DSC3: variants seen among roughly 807,000 people sequenced by gnomAD.
DSC3 encodes desmocollin-3.
In DSC3, 97 loss-of-function variants were observed where a neutral mutation model predicts 89.5. The ratio of observed to expected loss-of-function variants is 1.08; its 90% CI spans 0.92 to 1.28. The LOEUF (loss-of-function observed/expected upper bound fraction) is 1.28. Among genes scored for constraint, DSC3 ranks in the 50% most tolerant of loss-of-function variants. DSC3 has a pLI of 0.00. For missense variants in DSC3, 1,199 were observed against 1,085.3 expected, an observed-to-expected ratio of 1.10 and a Z score of -1.47; for synonymous variants, 436 against 384.1, an observed-to-expected ratio of 1.14 and a Z score of -1.58.
intron 9 of DSC3, among the ~76,000 whole-genome samples, chr18:31,011,967 T>A (rs1039541022): frequency 3.4e-4 from 6 of 17,650 alleles, no homozygotes; most frequent in Admixed American, 6.7e-4. Context: ...GTACTCCATC[T>A]CCAAAAAAAA....
At chr18:31,006,534 A>G (rs1164251346) in intron 12 of DSC3, among the ~76,000 whole-genome samples, 1 of 152,080 alleles carries the variant, frequency 6.6e-6, no homozygotes, top group Non-Finnish European at 1.5e-5. Flanking sequence ...TCCTGACCTC[A>G]AGTGATCCAC....
chr18:31,041,840 T>C (rs1986142525), intron 1 of DSC3, among the ~76,000 whole-genome samples: 3 of 151,986 alleles, frequency 2.0e-5, no homozygotes, highest in Admixed American at 2.0e-4. Context: ...CCGGAGTAAG[T>C]ACGACGCAAC....
intron 14 of DSC3, among the ~76,000 whole-genome samples, chr18:31,000,669 T>C (rs975753401): frequency 6.6e-6 from 1 of 152,186 alleles, no homozygotes; most frequent in Non-Finnish European, 1.5e-5. Context: ...CTAAACTTTA[T>C]CATCTCCTGT....
chr18:31,019,335 C>T (rs1440698019), intron 7 of DSC3, among the ~76,000 whole-genome samples: 2 of 152,226 alleles, frequency 1.3e-5, no homozygotes, highest in Middle Eastern at 3.4e-3. Context: ...GTGATTCACC[C>T]GCCTCGGGCT....
At position 31,018,749 on chromosome 18, in the gene DSC3, A is replaced by T. The variant is rs753683084; in HGVS notation, c.994T>A (p.Phe332Ile). 1 of 1,613,880 alleles carries T rather than the reference A, an allele frequency of 6.2e-7. No homozygotes were observed. The highest frequency in any genetic ancestry group is 8.5e-7 in the Non-Finnish European group (1 of 1,179,916). ...IMKVQDMDGQFFGLIGTSTCI... is the reference protein window; with the variant it reads ...IMKVQDMDGQIFGLIGTSTCI... The stretch of plus-strand genomic sequence containing the variant: ...GTTGATGTGCCTATCAATCCAAAAA[A>T]CTGGCCATCCATGTCTTGTACTTTC... Residue 332 changes from phenylalanine to isoleucine, a missense_variant, in exon 8 of 16, where the codon TTT becomes ATT. By Grantham distance (21) the Phe-to-Ile change is conservative. Transcript: ENST00000360428.
At chr18:31,007,179 A>G in intron 11 of DSC3, 48 bp from the exon 12 acceptor site, 1 of 1,408,716 alleles carries the variant, frequency 7.1e-7, no homozygotes, top group East Asian at 2.3e-5. Flanking sequence ...ATTCTTTCAT[A>G]GTTTCTTAAA....
chr18:31,004,566 A>G (rs1193418625), intron 12 of DSC3, among the ~76,000 whole-genome samples, 200 bp from the exon 13 acceptor site: 2 of 152,180 alleles, frequency 1.3e-5, no homozygotes, highest in Non-Finnish European at 2.9e-5. Flanking sequence ...ATTCCTTAGA[A>G]GGGAGCCCTA....
chr18:31,029,695 T>G (rs1036363855), intron 3 of DSC3, 67 bp from the exon 4 acceptor site: 22 of 1,594,986 alleles, frequency 1.4e-5, no homozygotes, highest in Non-Finnish European at 1.8e-5. Context: ...TGTAAAATAG[T>G]GGACAGCTCA....
chr18:31,038,486 T>C (rs1244332946), intron 1 of DSC3, among the ~76,000 whole-genome samples: 1 of 152,198 alleles, frequency 6.6e-6, no homozygotes, highest in Non-Finnish European at 1.5e-5. Context: ...ATTGGAATTA[T>C]CTATTCATGT....
At chr18:31,027,488 C>T (rs1985638623) in intron 4 of DSC3, among the ~76,000 whole-genome samples, 1 of 151,324 alleles carries the variant, frequency 6.6e-6, no homozygotes, top group Admixed American at 6.6e-5. Flanking sequence ...TCCTTCCTTC[C>T]TTCCTTCCTT....
intron 1 of DSC3, among the ~76,000 whole-genome samples, chr18:31,033,258 AC>A (rs1443889189): frequency 1.3e-5 from 2 of 152,192 alleles, no homozygotes; most frequent in Non-Finnish European, 2.9e-5. Flanking sequence ...ATCCCAGATA[AC>A]TTTTTTTGAA....
chr18:31,006,132 GC>G (rs1984830900), intron 12 of DSC3, among the ~76,000 whole-genome samples: 1 of 151,998 alleles, frequency 6.6e-6, no homozygotes, highest in Non-Finnish European at 1.5e-5. Context: ...ATAGGCAGCA[GC>G]CCCTCAATAC....
At chr18:31,040,767 A>G (rs1986104415) in intron 1 of DSC3, among the ~76,000 whole-genome samples, 1 of 152,180 alleles carries the variant, frequency 6.6e-6, no homozygotes, top group Non-Finnish European at 1.5e-5. Context: ...AAAATGAAAA[A>G]TGTTTCTAAA....
Position 31,008,525 on chromosome 18 carries a change from G to C in DSC3, c.1264C>G (p.Pro422Ala). Residue 422 changes from proline (P) to alanine (A), a missense_variant and splice_region_variant, in exon 10 of 16, where the codon CCA becomes GCA. Pro to Ala is a conservative substitution (Grantham distance 27). Transcript: ENST00000360428. ...TGACGGTTTTCTTCATAATTCAGTG[G>C]CTTTAAAATAAAGTCCATGTATATC... ...TNEGVLSVVK[P>A]LNYEENRQVN... 1 of 1,613,914 alleles carries C rather than the reference G, an allele frequency of 6.2e-7. No individual in the cohort carries two copies. Among genetic ancestry groups the C allele is most frequent in the South Asian group, 1.1e-5 (1 of 91,082 alleles).
intron 6 of DSC3, among the ~76,000 whole-genome samples, chr18:31,023,105 CT>C (rs370677705): frequency 0.013 from 1,976 of 151,398 alleles, 45 homozygotes; most frequent in African/African-American, 0.044. Flanking sequence ...AGTGTTTGTC[CT>C]TTTTTTTTCT....
chr18:30,994,629 G>A (rs1341055367), intron 15 of DSC3: 2 of 621,666 alleles, frequency 3.2e-6, no homozygotes, highest in Non-Finnish European at 5.4e-6. Context: ...CATTCAAGTT[G>A]TCATTAAATG....
At chr18:31,032,103 A>G (rs1205761533) in intron 2 of DSC3, 89 bp downstream of exon 2, 2 of 889,062 alleles carry the variant, frequency 2.2e-6, no homozygotes, top group East Asian at 2.5e-5. Flanking sequence ...GATTCAGGCT[A>G]ACTCCAAAAG....
At chr18:31,033,230 A>G (rs1436256927) in intron 1 of DSC3, among the ~76,000 whole-genome samples, 1 of 152,218 alleles carries the variant, frequency 6.6e-6, no homozygotes, top group African/African-American at 2.4e-5. Flanking sequence ...TTACAGATTC[A>G]ATACAATCTG....
intron 1 of DSC3, among the ~76,000 whole-genome samples, chr18:31,040,843 T>A (rs1485055253): frequency 6.6e-6 from 1 of 152,174 alleles, no homozygotes; most frequent in Non-Finnish European, 1.5e-5. Flanking sequence ...AGGAAATACA[T>A]ACATGAGATG....
Sources: gnomAD v4.1 joint callset for allele counts (sites outside exome capture counted in the v4.1 genomes callset) on GRCh38, gnomAD v4.1.1 for gene constraint, MANE v1.5 for transcripts, NCBI Gene and HGNC (gene_info 2026-07-23, HGNC 2026-07-21) for gene names.